RGMA: variants seen among roughly 807,000 people sequenced by gnomAD.
RGMA encodes repulsive guidance molecule A.
Under a neutral mutation model 23.2 loss-of-function variants are expected in RGMA, and 10 were observed. The observed-to-expected ratio is 0.43, with a 90% CI of 0.27 to 0.73. The LOEUF is 0.73. Ranked by LOEUF, RGMA falls within the 30% of genes least tolerant of loss-of-function variation. The pLI, the probability that RGMA is intolerant of heterozygous loss-of-function variation, is 0.20. For synonymous variants in RGMA, 308 were observed against 279.3 expected (o/e 1.10, Z -1.03); for missense variants, 547 against 630.5 (o/e 0.87, Z 1.42).
chr15:93,066,652 T>C (rs1895164975), intron 2 of RGMA: 1 of 440,002 alleles, frequency 2.3e-6, no homozygotes, highest in Admixed American at 2.6e-5. Flanking sequence ...ACCTCGCTCA[T>C]CCTGCCGGGT....
At chr15:93,066,194 C>A (rs760849711) in intron 2 of RGMA, 10 of 1,425,440 alleles carry the variant, frequency 7.0e-6, no homozygotes, top group Non-Finnish European at 9.9e-6. Context: ...TCCACGACAT[C>A]AAATTCCACA....
chr15:93,055,351 G>A (rs897498756), intron 2 of RGMA, among the ~76,000 whole-genome samples: 2 of 152,198 alleles, frequency 1.3e-5, no homozygotes, highest in African/African-American at 4.8e-5. Context: ...GAACCTAGGA[G>A]AGCAGGGACC....
rs781152232 is a variant in RGMA, at chr15:93,072,942, G to A, written c.104C>T (p.Ala35Val). The A allele has an allele frequency of 2.5e-6, 4 of 1,609,802 alleles. No homozygotes were observed. Among genetic ancestry groups the A allele is most frequent in the South Asian group, 1.1e-5 (1 of 89,854 alleles). Reference protein sequence around the residue: ...RSALGFWPTLAFLLCSFPAAT... With the variant: ...RSALGFWPTLVFLLCSFPAAT... ...TGCGGGGAAGCTGCAGAGAAGGAAG[G>A]CGAGGGTCGGCCAGAATCCCAGGGC... The change falls in exon 2 of 4, where the codon GCC (alanine) becomes GTC (valine). Residue 35 changes from alanine to valine, a missense_variant. Transcript: ENST00000329082.
chr15:93,073,888 C>T, intron 1 of RGMA: 1 of 1,461,446 alleles, frequency 6.8e-7, no homozygotes, highest in Non-Finnish European at 9.0e-7. Flanking sequence ...GCTGCCACTC[C>T]AGAGAGATGG....
In RGMA at chr15:93,066,471, A is replaced by C. The variant is rs922045363; in HGVS notation, c.130+6445T>G. The stretch of plus-strand genomic sequence containing the variant: ...CCGGGTTGCCACGGGTGCGGGGGCC[A>C]GGCACCAAGGGGGTCCCATCCCAGC... On this transcript the variant is annotated intron_variant, in intron 2 of 3. Coordinates refer to ENST00000329082, the MANE Select transcript of RGMA (RefSeq NM_020211.3). 7 of 559,924 alleles carry C rather than the reference A, an allele frequency of 1.3e-5. No homozygotes were observed. The African/African-American group carries it at 1.3e-4, about 11-fold the overall frequency. The allele number at this position is 559,924 out of a possible 1,614,324, so 34.7% of individuals were successfully genotyped here.
intron 1 of RGMA, among the ~76,000 whole-genome samples, chr15:93,082,486 A>C (rs1895574279): frequency 6.6e-6 from 1 of 152,228 alleles, no homozygotes; most frequent in Non-Finnish European, 1.5e-5. Flanking sequence ...AGCCGTGCAG[A>C]GGCTCAAACC....
intron 1 of RGMA, among the ~76,000 whole-genome samples, chr15:93,087,274 G>C (rs552317761): frequency 6.6e-6 from 1 of 152,122 alleles, no homozygotes; most frequent in African/African-American, 2.4e-5. Context: ...CTGGAAGGTG[G>C]CAGCAAAAAC....
At chr15:93,059,885 T>A (rs1451704918) in intron 2 of RGMA, among the ~76,000 whole-genome samples, 1 of 152,236 alleles carries the variant, frequency 6.6e-6, no homozygotes, top group Non-Finnish European at 1.5e-5. Flanking sequence ...CTTAGACTTT[T>A]CTGATGCGAA....
chr15:93,066,555 G>A (rs1244359304), intron 2 of RGMA: 9 of 475,662 alleles, frequency 1.9e-5, no homozygotes, highest in Non-Finnish European at 2.8e-5. Flanking sequence ...TGCTTTCTGG[G>A]GCTTCCCTGC....
At chr15:93,067,482 C>T (rs765708478) in intron 2 of RGMA, among the ~76,000 whole-genome samples, 4 of 152,132 alleles carry the variant, frequency 2.6e-5, no homozygotes, top group Non-Finnish European at 5.9e-5. Context: ...AGGACAAAAA[C>T]GTAAGGCCCA....
At chr15:93,072,772 G>A (rs957747708) in intron 2 of RGMA, 144 bp downstream of exon 2, 8 of 939,536 alleles carry the variant, frequency 8.5e-6, no homozygotes, top group Non-Finnish European at 1.2e-5. Flanking sequence ...GGGTGCGGGA[G>A]AAACAAAAGA....
At chr15:93,070,732 A>G (rs1596101645) in intron 2 of RGMA, among the ~76,000 whole-genome samples, 2 of 152,340 alleles carry the variant, frequency 1.3e-5, no homozygotes, top group South Asian at 4.1e-4. Context: ...CCCTCAAATG[A>G]GAAGAAACAT....
chr15:93,084,971 T>C (rs1895615009), intron 1 of RGMA, among the ~76,000 whole-genome samples: 2 of 152,264 alleles, frequency 1.3e-5, no homozygotes, highest in South Asian at 4.1e-4. Flanking sequence ...CCACCTAATC[T>C]TGTTTAAAGA....
At chr15:93,062,190 G>A (rs1420681592) in intron 2 of RGMA, among the ~76,000 whole-genome samples, 3 of 152,192 alleles carry the variant, frequency 2.0e-5, no homozygotes, top group Non-Finnish European at 2.9e-5. Context: ...GGAACTGCCT[G>A]AGTTCAATTA....
chr15:93,059,392 G>A (rs1171671903), intron 2 of RGMA, among the ~76,000 whole-genome samples: 1 of 152,210 alleles, frequency 6.6e-6, no homozygotes, highest in Non-Finnish European at 1.5e-5. Flanking sequence ...GGTTTCCCAG[G>A]TGTCCCAAAC....
chr15:93,047,875 C>T (rs1645736981), intron 3 of RGMA, among the ~76,000 whole-genome samples: 1 of 152,194 alleles, frequency 6.6e-6, no homozygotes. Flanking sequence ...AAATAACAAG[C>T]TGCTCTGATG....
chr15:93,052,314 G>A lies in RGMA; in HGVS notation c.324C>T (p.Asp108=), dbSNP rs775001172. The A allele has an allele frequency of 5.9e-5, 95 of 1,604,012 alleles. No individual in the cohort carries two copies. Among genetic ancestry groups the A allele is most frequent in the Non-Finnish European group, 7.3e-5 (86 of 1,178,994 alleles). ...TGGAGCAGTTGTGCTGGCTCATGAG[G>A]TCCTCTATGCCATGGACGGCCGAGT... ...AYHSAVHGIE[D]LMSQHNCSKD... is the part of the protein sequence containing the mutation. The change falls in exon 3 of 4, where the codon GAC becomes GAT. Residue 108 remains aspartate (D), a synonymous_variant. Transcript: ENST00000329082.
chr15:93,056,601 T>C (rs1387330992), intron 2 of RGMA, among the ~76,000 whole-genome samples: 1 of 152,034 alleles, frequency 6.6e-6, no homozygotes, highest in Non-Finnish European at 1.5e-5. Flanking sequence ...TCTCCCCGAC[T>C]CCTCTGTAGG....
At position 93,073,909 on chromosome 15, in the gene RGMA, C is replaced by A. The variant is rs1895424081; in HGVS notation, c.15-878G>T. ...ACTCCAGAGAGATGGCTATGCCGGT[C>A]CGCGTGGCGCGCAGGGCCGGATGGT... On this transcript the variant is annotated intron_variant, in intron 1 of 3. Coordinates refer to ENST00000329082, the MANE Select transcript of RGMA (RefSeq NM_020211.3). 4 of 1,441,410 alleles carry A rather than the reference C, an allele frequency of 2.8e-6. No individual in the cohort carries two copies. The South Asian group carries it at 5.8e-5, about 21-fold the overall frequency. The allele number at this position is 1,441,410 out of a possible 1,614,324, so 89.3% of individuals were successfully genotyped here. A position where few individuals can be genotyped will look rare whatever the true frequency, so the allele number is the denominator to read the frequency against.
Sources: gnomAD v4.1 joint callset for allele counts (sites outside exome capture counted in the v4.1 genomes callset) on GRCh38, gnomAD v4.1.1 for gene constraint, MANE v1.5 for transcripts, NCBI Gene and HGNC (gene_info 2026-07-23, HGNC 2026-07-21) for gene names.